The following TOPAZ1 variants were observed in gnomAD, a reference collection of about 807,000 sequenced individuals.
The protein encoded by TOPAZ1 is testis and ovary specific TOPAZ 1, also known as protein TOPAZ1.
TOPAZ1 carries 66 observed loss-of-function variants against 172.2 expected under a neutral mutation model. The observed-to-expected ratio is 0.38, with a 90% confidence interval of 0.31 to 0.47. TOPAZ1 has a LOEUF of 0.47. Among genes scored for constraint, TOPAZ1 ranks in the 20% least tolerant of loss-of-function variants. The probability of loss-of-function intolerance (pLI) is 0.99; values close to 1 mark genes in which losing one functional copy is unlikely to be tolerated. For missense variants in TOPAZ1, 1,822 were observed against 1,972.4 expected, an observed-to-expected ratio of 0.92 and a Z score of 1.44; for synonymous variants, 681 against 683.9, an observed-to-expected ratio of 1.00 and a Z score of 0.07.
At chr3:44,335,285 G>T (rs1700711174), downstream of TOPAZ1, among the ~76,000 whole-genome samples, 1 of 152,056 alleles carries the variant, frequency 6.6e-6, no homozygotes, top group African/African-American at 2.4e-5. Context: ...CCGCTGCTAA[G>T]GCTCTTAAGC....
At position 44,243,892 on chromosome 3, in the gene TOPAZ1, T is replaced by C. The variant is rs1243881489; in HGVS notation, c.1386T>C (p.Ile462=). The C allele has an allele frequency of 6.4e-7, 1 of 1,551,906 alleles. No individual in the cohort carries two copies. Among genetic ancestry groups the C allele is most frequent in the East Asian group, 2.4e-5 (1 of 40,878 alleles). ...GGAAATCACCTAATGAGTACCATAT[T>C]GAAAGGAGATCTTCACGGGAAGACT... ...FIGKSPNEYH[I]ERRSSREDLR... is the part of the protein sequence containing the mutation. Residue 462 remains isoleucine (I), a synonymous_variant, in exon 2 of 20, where the codon ATT becomes ATC. Coordinates refer to ENST00000309765, the MANE Select transcript of TOPAZ1 (RefSeq NM_001145030.2).
intron 12 of TOPAZ1, among the ~76,000 whole-genome samples, chr3:44,298,322 G>C (rs1347479227): frequency 6.6e-6 from 1 of 152,102 alleles, no homozygotes; most frequent in Admixed American, 6.5e-5. Flanking sequence ...TGGGCATGAT[G>C]TCACGCACCT....
At position 44,289,707 on chromosome 3, in the gene TOPAZ1, A is replaced by G. The variant is rs552312456; in HGVS notation, c.3682-1064A>G. Among the ~76,000 whole-genome samples, 2 of 152,184 alleles carry G rather than the reference A, an allele frequency of 1.3e-5. 1 individual carries two copies. Among genetic ancestry groups the G allele is most frequent in the Non-Finnish European group, 2.9e-5 (2 of 68,038 alleles). On this transcript the variant is annotated intron_variant, in intron 11 of 19. Transcript: ENST00000309765. Reference sequence around the variant, plus strand: ...TTGTGAGTTCTAACAGCCAAATTACAGCATCTCACATTATACCTTGAAACA... The same window carrying G: ...TTGTGAGTTCTAACAGCCAAATTACGGCATCTCACATTATACCTTGAAACA...
chr3:44,304,642 C>G (rs1700314229), intron 13 of TOPAZ1, among the ~76,000 whole-genome samples: 1 of 152,076 alleles, frequency 6.6e-6, no homozygotes, highest in South Asian at 2.1e-4. Context: ...TAGTTTATAA[C>G]AGAAATTGTA....
chr3:44,287,005 G>A (rs1173296021), intron 9 of TOPAZ1, among the ~76,000 whole-genome samples: 2 of 152,158 alleles, frequency 1.3e-5, no homozygotes, highest in Non-Finnish European at 2.9e-5. Context: ...GCATGGGTAT[G>A]TGTCAAAACA....
At chr3:44,269,398 C>CTTTTA in intron 7 of TOPAZ1, 97 bp downstream of exon 7, 2 of 626,092 alleles carry the variant, frequency 3.2e-6, no homozygotes, top group Non-Finnish European at 5.7e-6. Context: ...TCCACTCCCT[C>CTTTTA]TTTTATCCTC....
At chr3:44,270,551 TATTAA>T (rs1357069836) in intron 7 of TOPAZ1, 129 bp from the exon 8 acceptor site, 3 of 514,880 alleles carry the variant, frequency 5.8e-6, no homozygotes, top group Admixed American at 8.7e-5. Flanking sequence ...TATTTTTTCT[TATTAA>T]ATTAGCAAAC....
At chr3:44,253,114 G>A (rs976959279) in intron 2 of TOPAZ1, among the ~76,000 whole-genome samples, 4 of 152,156 alleles carry the variant, frequency 2.6e-5, no homozygotes, top group Non-Finnish European at 4.4e-5. Context: ...GTCATGAAGG[G>A]CTGTGAGAGT....
In TOPAZ1 at chr3:44,281,887, C is replaced by G. The variant is rs72868388; in HGVS notation, c.3373-81C>G. The G allele has an allele frequency of 1.6e-3, 1,338 of 852,782 alleles. 14 individuals carry two copies. The African/African-American group carries it at 0.02, about 13-fold the overall frequency. The allele number at this position is 852,782 out of a possible 1,614,324, so 52.8% of individuals were successfully genotyped here. The stretch of plus-strand genomic sequence containing the variant: ...GATCATTTAAAAATTTCAATATAAG[C>G]AAAAAGATAGGATTGAAATGTGTAT... On this transcript the variant is annotated intron_variant, in intron 8 of 19. Coordinates refer to ENST00000309765, the MANE Select transcript of TOPAZ1 (RefSeq NM_001145030.2).
chr3:44,282,205 A>G (rs1254891467), intron 9 of TOPAZ1, among the ~76,000 whole-genome samples, 174 bp downstream of exon 9: 1 of 152,238 alleles, frequency 6.6e-6, no homozygotes, highest in African/African-American at 2.4e-5. Flanking sequence ...TAAAAAAATG[A>G]TAATCTACCT....
chr3:44,272,091 G>A (rs1432460666), intron 8 of TOPAZ1, among the ~76,000 whole-genome samples: 1 of 152,000 alleles, frequency 6.6e-6, no homozygotes, highest in African/African-American at 2.4e-5. Flanking sequence ...TTTTTATAAG[G>A]CTGAATAGTA....
chr3:44,281,835 A>G (rs1700026579), intron 8 of TOPAZ1, 133 bp from the exon 9 acceptor site: 2 of 564,596 alleles, frequency 3.5e-6, no homozygotes, highest in African/African-American at 1.9e-5. Context: ...TTAACCAAAC[A>G]TCAGCTTCTT....
Position 44,241,982 on chromosome 3 carries a change from A to G in TOPAZ1, c.-72A>G. The G allele has an allele frequency of 2.2e-6, 3 of 1,394,516 alleles. No individual in the cohort carries two copies. The highest frequency in any genetic ancestry group is 2.9e-6 in the Non-Finnish European group (3 of 1,029,670). The allele number at this position is 1,394,516 out of a possible 1,614,324, so 86.4% of individuals were successfully genotyped here. A position where few individuals can be genotyped will look rare whatever the true frequency, so the allele number is the denominator to read the frequency against. ...AGGGCAGTAGGTACCTCCAGGCGGG[A>G]GCAGCGTTTGCACCGCGGTGGGTTC... On this transcript the variant is annotated 5_prime_UTR_variant, in exon 1 of 20. Transcript: ENST00000309765.
rs550988672 is a variant in TOPAZ1, at chr3:44,285,430, C to G, written c.3437-1959C>G. Reference sequence around the variant, plus strand: ...GCAGTGAGCCGAGATCACAACACTGCACTCCAGCACTGGGTGACAGAGCAA... The same window carrying G: ...GCAGTGAGCCGAGATCACAACACTGGACTCCAGCACTGGGTGACAGAGCAA... On this transcript the variant is annotated intron_variant, in intron 9 of 19. Coordinates refer to ENST00000309765, the MANE Select transcript of TOPAZ1 (RefSeq NM_001145030.2). 1.3e-4 allele frequency among the ~76,000 whole-genome samples: 20 copies of G among 152,238 alleles called. No individual in the cohort carries two copies. The South Asian group carries it at 4.1e-3, about 32-fold the overall frequency.
chr3:44,259,151 A>C (rs1699747673), intron 4 of TOPAZ1, among the ~76,000 whole-genome samples: 1 of 152,270 alleles, frequency 6.6e-6, no homozygotes, highest in African/African-American at 2.4e-5. Flanking sequence ...TGTCCTCCCC[A>C]AGTGGTTCCA....
At position 44,305,222 on chromosome 3, in the gene TOPAZ1, G is replaced by T; in HGVS notation, c.3940G>T (p.Ala1314Ser). The change falls in exon 14 of 20, where the codon GCA (alanine) becomes TCA (serine). Residue 1314 changes from alanine to serine, a missense_variant. Ala to Ser is a moderately conservative substitution (Grantham distance 99). Transcript: ENST00000309765. ...INVKMGCEKF[A>S]DFQTFCACIA... ...CGTAAAAATGGGCTGTGAAAAATTT[G>T]CAGATTTCCAGACATTTTGTGCTTG... is the stretch of plus-strand genomic sequence containing the variant. 6.5e-7 allele frequency: 1 copy of T among 1,548,608 alleles called. No individual in the cohort carries two copies. Among genetic ancestry groups the T allele is most frequent in the Non-Finnish European group, 8.7e-7 (1 of 1,146,044 alleles).
intron 8 of TOPAZ1, among the ~76,000 whole-genome samples, chr3:44,274,439 G>A (rs1575716366): frequency 6.6e-6 from 1 of 151,046 alleles, no homozygotes; most frequent in Non-Finnish European, 1.5e-5. Flanking sequence ...AAGAAAATGA[G>A]AGCCAAAAAG....
chr3:44,286,589 G>T (rs1700081365), intron 9 of TOPAZ1, among the ~76,000 whole-genome samples: 1 of 152,056 alleles, frequency 6.6e-6, no homozygotes, highest in African/African-American at 2.4e-5. Context: ...AGTAGCTACT[G>T]GCTTTCCTAA....
chr3:44,245,844 A>G (rs974590173), intron 2 of TOPAZ1, among the ~76,000 whole-genome samples: 1 of 152,150 alleles, frequency 6.6e-6, no homozygotes, highest in South Asian at 2.1e-4. Context: ...CAGCCCATAG[A>G]GTGGCTTTTT....
Sources: gnomAD v4.1 joint callset for allele counts (sites outside exome capture counted in the v4.1 genomes callset) on GRCh38, gnomAD v4.1.1 for gene constraint, MANE v1.5 for transcripts, NCBI Gene and HGNC (gene_info 2026-07-23, HGNC 2026-07-21) for gene names.